Variants in PDS5B observed in about 807,000 individuals in gnomAD.
PDS5B encodes sister chromatid cohesion protein PDS5 homolog B.
Under a neutral mutation model 184.1 loss-of-function variants are expected in PDS5B, and 51 were observed. The observed-to-expected ratio is 0.28, with a 90% CI of 0.22 to 0.35. PDS5B has a LOEUF of 0.35. Among genes scored for constraint, PDS5B ranks in the 10% least tolerant of loss-of-function variants. PDS5B has a pLI of 1.00. For synonymous variants in PDS5B, 566 were observed against 569.2 expected, an observed-to-expected ratio of 0.99 and a Z score of 0.08; for missense variants, 1,180 against 1,723.3, an observed-to-expected ratio of 0.68 and a Z score of 5.58.
chr13:32,676,003 A>C (rs779302146), intron 9 of PDS5B, 44 bp downstream of exon 9: 1 of 1,073,322 alleles, frequency 9.3e-7, no homozygotes, highest in Non-Finnish European at 1.4e-6. Flanking sequence ...ACATTATTCT[A>C]CTGACCGTTT....
At chr13:32,600,438 A>G (rs1338390133) in intron 1 of PDS5B, among the ~76,000 whole-genome samples, 2 of 152,276 alleles carry the variant, frequency 1.3e-5, no homozygotes, top group Admixed American at 1.3e-4. Flanking sequence ...AGATGGGTCT[A>G]TAGAAAGTCT....
At chr13:32,716,813 C>A (rs376823793) in intron 19 of PDS5B, among the ~76,000 whole-genome samples, 2 of 97,368 alleles carry the variant, frequency 2.1e-5, no homozygotes, top group South Asian at 3.0e-4. Flanking sequence ...GCCCCCTGCC[C>A]GGCCAGCCGC....
chr13:32,588,899 G>A (rs1021958878), intron 1 of PDS5B, among the ~76,000 whole-genome samples: 6 of 152,248 alleles, frequency 3.9e-5, no homozygotes, highest in African/African-American at 1.4e-4. Flanking sequence ...TTGCCCTGGA[G>A]AGGGGTGCAA....
intron 2 of PDS5B, among the ~76,000 whole-genome samples, chr13:32,651,459 A>C (rs1378133988): frequency 6.6e-6 from 1 of 152,216 alleles, no homozygotes; most frequent in African/African-American, 2.4e-5. Context: ...TGGTATTCTT[A>C]AGGACATACT....
At chr13:32,647,989 G>A (rs1310335413) in intron 1 of PDS5B, among the ~76,000 whole-genome samples, 1 of 152,176 alleles carries the variant, frequency 6.6e-6, no homozygotes, top group Admixed American at 6.5e-5. Flanking sequence ...AGGGGTCTGT[G>A]AGTTCATGTT....
At chr13:32,758,399 CTAAG>C in intron 27 of PDS5B, 131 bp from the exon 28 acceptor site, 1 of 985,930 alleles carries the variant, frequency 1.0e-6, no homozygotes, top group Non-Finnish European at 1.5e-6. Context: ...GTAGTGTAAG[CTAAG>C]ATGCTTACAC....
chr13:32,608,648 G>C (rs776888361), intron 1 of PDS5B, among the ~76,000 whole-genome samples: 1 of 152,138 alleles, frequency 6.6e-6, no homozygotes, highest in Non-Finnish European at 1.5e-5. Context: ...TGACCCATAA[G>C]CTCAAACTTG....
chr13:32,747,667 TAAAAG>T lies in PDS5B; in HGVS notation c.2736+1571_2736+1575del, dbSNP rs201003877. Among the ~76,000 whole-genome samples the T allele has an allele frequency of 9.4e-3, 1,434 of 152,194 alleles. 13 individuals carry two copies. Among genetic ancestry groups the T allele is most frequent in the South Asian group, 0.024 (117 of 4,816 alleles). On this transcript the variant is annotated intron_variant, in intron 24 of 34. Transcript: ENST00000315596. ...CCCACTTAATTTTTGGAGATAATCT[TAAAAG>T]AAACTGAAAATTGTTTAAAAAGCAT...
At chr13:32,750,762 G>A (rs937200379) in intron 24 of PDS5B, among the ~76,000 whole-genome samples, 3 of 152,024 alleles carry the variant, frequency 2.0e-5, no homozygotes, top group South Asian at 2.1e-4. Flanking sequence ...GGCTGGTCTC[G>A]AACTCCTGAC....
At chr13:32,630,609 G>A (rs2140569889) in intron 1 of PDS5B, among the ~76,000 whole-genome samples, 1 of 152,248 alleles carries the variant, frequency 6.6e-6, no homozygotes, top group African/African-American at 2.4e-5. Context: ...GGTCTTTTTT[G>A]ATAGTAGTTG....
rs1954744710 is a variant in PDS5B at position 32,770,495 on chromosome 13, A to G, written c.3999A>G (p.Gln1333=). The G allele has an allele frequency of 1.2e-6, 2 of 1,611,886 alleles. No homozygotes were observed. Among genetic ancestry groups the G allele is most frequent in the African/African-American group, 1.3e-5 (1 of 74,686 alleles). The change falls in exon 32 of 35, where the codon CAA becomes CAG. Residue 1333 remains glutamine, a synonymous_variant. Transcript: ENST00000315596. ...AGGAGGAGGAAGAAGAAGAAAGACA[A>G]AGTGGAAATACGGAACAGAAGTCCA... is the stretch of plus-strand genomic sequence containing the variant. ...APEEEEEEER[Q]SGNTEQKSKS... is the part of the protein sequence containing the mutation.
intron 2 of PDS5B, chr13:32,649,117 G>T: frequency 5.0e-6 from 2 of 396,902 alleles, no homozygotes; most frequent in Non-Finnish European, 9.1e-6. Context: ...CTATACTTGG[G>T]TATAAAGAAC....
rs1210994559 is a variant in PDS5B at position 32,586,707 on chromosome 13, G to T, written c.-20+114G>T. ...TGCGTGTGTGTGGCAGGGCTGAAGC[G>T]CCGCCCGCCTGGGTGCCAGGCGCGA... On this transcript the variant is annotated intron_variant, in intron 1 of 34. Coordinates refer to ENST00000315596, the MANE Select transcript of PDS5B (RefSeq NM_015032.4). The T allele has an allele frequency of 2.0e-5, 3 of 149,686 alleles. No homozygotes were observed. In the East Asian group the frequency reaches 6.1e-4, roughly 30 times the overall value. 9.3% of individuals were successfully genotyped at this position (149,686 alleles called of 1,614,324 possible). A position where few individuals can be genotyped will look rare whatever the true frequency, so the allele number is the denominator to read the frequency against.
chr13:32,609,057 C>T (rs2058102808), intron 1 of PDS5B, among the ~76,000 whole-genome samples: 1 of 152,212 alleles, frequency 6.6e-6, no homozygotes, highest in African/African-American at 2.4e-5. Context: ...AAAGCCATCA[C>T]AGTTCACCCT....
At chr13:32,739,954 G>A (rs915684883) in intron 21 of PDS5B, among the ~76,000 whole-genome samples, 5 of 152,002 alleles carry the variant, frequency 3.3e-5, no homozygotes. Context: ...GTTTCTGGTA[G>A]TATCTGATAG....
At chr13:32,764,671 C>G in intron 31 of PDS5B, 77 bp downstream of exon 31, 1 of 697,276 alleles carries the variant, frequency 1.4e-6, no homozygotes, top group African/African-American at 1.9e-5. Context: ...AACCAGTTAA[C>G]ATGACTATCA....
chr13:32,649,143 A>C (rs1950302101), intron 2 of PDS5B: 1 of 324,130 alleles, frequency 3.1e-6, no homozygotes, highest in Non-Finnish European at 5.7e-6. Flanking sequence ...TACAATACTC[A>C]TATTCCTTAT....
intron 1 of PDS5B, among the ~76,000 whole-genome samples, chr13:32,633,351 T>C (rs929479901): frequency 6.6e-6 from 1 of 152,244 alleles, no homozygotes; most frequent in Non-Finnish European, 1.5e-5. Context: ...TCTAAAACTA[T>C]TGAATTGTAC....
Position 32,758,189 on chromosome 13 carries a change from C to A in PDS5B, c.3159C>A (p.Ala1053=). ...MVENIKQTKD[A]QGPDDAKMNE... is the part of the protein sequence containing the mutation. Reference sequence around the variant, plus strand: ...AAAATATTAAACAAACAAAAGATGCCCAAGGACCAGATGATGCAAAAATGA... The same window carrying A: ...AAAATATTAAACAAACAAAAGATGCACAAGGACCAGATGATGCAAAAATGA... The change falls in exon 27 of 35, where the codon GCC becomes GCA. Residue 1053 remains alanine (A), a synonymous_variant. Transcript: ENST00000315596. 3 of 1,535,948 alleles carry A rather than the reference C, an allele frequency of 2.0e-6. No homozygotes were observed. The highest frequency in any genetic ancestry group is 2.7e-6 in the Non-Finnish European group (3 of 1,129,214).
Sources: allele counts gnomAD v4.1 joint callset (sites outside exome capture counted in the v4.1 genomes callset), GRCh38; gene constraint gnomAD v4.1.1; transcripts MANE v1.5; gene names NCBI Gene and HGNC (gene_info 2026-07-23, HGNC 2026-07-21).